Variants in GPR75 observed in about 807,000 individuals in gnomAD.
GPR75 encodes the protein probable G protein-coupled receptor 75.
GPR75 carries 27 observed loss-of-function variants against 26.0 expected under a neutral mutation model. That is an observed-to-expected ratio of 1.04 (90% confidence interval 0.77 to 1.43). The LOEUF (loss-of-function observed/expected upper bound fraction) is 1.43, where lower values mean the gene tolerates loss of function less well. GPR75 is among the 40% of genes most tolerant of loss of function. GPR75 has a pLI of 0.00. For missense variants in GPR75, 699 were observed against 662.3 expected, an observed-to-expected ratio of 1.06 and a Z score of -0.61; for synonymous variants, 285 against 256.3, an observed-to-expected ratio of 1.11 and a Z score of -1.07.
rs796287219 is a variant in GPR75 at position 53,859,486 on chromosome 2, G to C, written c.-110+342C>G. On this transcript the variant is annotated intron_variant, in intron 1 of 1. Coordinates refer to ENST00000394705, the MANE Select transcript of GPR75 (RefSeq NM_006794.4). Reference sequence around the variant, plus strand: ...GTCGACCCCCCCGTGAGGGGCTGGCGGTGGGTAGGGGCTTCCCGGAGAAGG... The same window carrying C: ...GTCGACCCCCCCGTGAGGGGCTGGCCGTGGGTAGGGGCTTCCCGGAGAAGG... 3.9e-5 allele frequency among the ~76,000 whole-genome samples: 6 copies of C among 152,230 alleles called. 1 individual carries two copies. The highest frequency in any genetic ancestry group is 1.4e-4 in the African/African-American group (6 of 41,548).
chr2:53,854,851 C>T lies in GPR75; in HGVS notation c.-95G>A. 1 of 917,554 alleles carries T rather than the reference C, an allele frequency of 1.1e-6. No homozygotes were observed. Among genetic ancestry groups the T allele is most frequent in the Non-Finnish European group, 1.7e-6 (1 of 592,990 alleles). 56.8% of individuals were successfully genotyped at this position (917,554 alleles called of 1,614,324 possible). On this transcript the variant is annotated 5_prime_UTR_variant, in exon 2 of 2. It introduces an in-frame stop codon into an upstream open reading frame of the 5' UTR. Coordinates refer to ENST00000394705, the MANE Select transcript of GPR75 (RefSeq NM_006794.4). ...ATGAGCAATATGTGACAAAAGAGGC[C>T]CAAGACAGATAAGCCTACACACAAA...
chr2:53,855,788 G>A (rs150283688), intron 1 of GPR75, among the ~76,000 whole-genome samples: 64 of 152,228 alleles, frequency 4.2e-4, no homozygotes, highest in Admixed American at 2.6e-4. Context: ...ACCCTGTTTC[G>A]TTCCCTATGA....
At chr2:53,857,076 G>A (rs1442307468) in intron 1 of GPR75, among the ~76,000 whole-genome samples, 4 of 142,368 alleles carry the variant, frequency 2.8e-5, no homozygotes, top group South Asian at 2.2e-4. Context: ...CCATTCTCCT[G>A]CCTCAGCCTC....
chr2:53,855,828 T>A (rs1003302892), intron 1 of GPR75, among the ~76,000 whole-genome samples: 1 of 152,220 alleles, frequency 6.6e-6, no homozygotes, highest in African/African-American at 2.4e-5. Flanking sequence ...TATTTATAAT[T>A]TTTCCCCCAG....
At position 53,854,059 on chromosome 2, in the gene GPR75, G is replaced by C; in HGVS notation, c.698C>G (p.Ala233Gly). The change falls in exon 2 of 2, where the codon GCT becomes GGT. Residue 233 changes from alanine (A) to glycine (G), a missense_variant. By Grantham distance (60) the Ala-to-Gly change is moderately conservative. Transcript: ENST00000394705. ...TACAGGGGGGCACTTTCTGACTTGA[G>C]CGTTCTTCCGCAGGGTCTGAGCAAT... ...IMIAQTLRKN[A>G]QVRKCPPVIT... The C allele has an allele frequency of 1.2e-6, 2 of 1,614,218 alleles. No homozygotes were observed. The highest frequency in any genetic ancestry group is 1.7e-6 in the Non-Finnish European group (2 of 1,180,040).
In GPR75 at chr2:53,853,014, C is replaced by A. The variant is rs1233075681; in HGVS notation, c.*120G>T. ...CACATCAGATGAAAGAAAACCATAA[C>A]TGCCAACTTTTCAGTTGAATCTTGT... On this transcript the variant is annotated 3_prime_UTR_variant, in exon 2 of 2. Transcript: ENST00000394705. 1.5e-6 allele frequency: 1 copy of A among 688,096 alleles called. No homozygotes were observed. The highest frequency in any genetic ancestry group is 2.4e-6 in the Non-Finnish European group (1 of 413,016). 42.6% of individuals were successfully genotyped at this position (688,096 alleles called of 1,614,324 possible).
intron 1 of GPR75, among the ~76,000 whole-genome samples, chr2:53,857,579 G>C (rs1019345447): frequency 2.0e-5 from 3 of 152,072 alleles, no homozygotes; most frequent in African/African-American, 7.2e-5. Flanking sequence ...AAGACCTCAG[G>C]CTAAGAGATA....
At position 53,853,852 on chromosome 2, in the gene GPR75, C is replaced by T. The variant is rs537227401; in HGVS notation, c.905G>A (p.Arg302Gln). ...PNQLVTPAASRLQLVSAINLS... is the reference protein window; with the variant it reads ...PNQLVTPAASQLQLVSAINLS... ...GTTGATGGCTGATACGAGCTGGAGT[C>T]GGCTTGCTGCAGGGGTGACCAGTTG... The change falls in exon 2 of 2, where the codon CGA becomes CAA. Residue 302 changes from arginine to glutamine, a missense_variant. Transcript: ENST00000394705. 8.7e-6 allele frequency: 14 copies of T among 1,613,930 alleles called. No individual in the cohort carries two copies. The highest frequency in any genetic ancestry group is 4.0e-5 in the African/African-American group (3 of 74,902).
In GPR75 at chr2:53,854,760, CG is replaced by C. The variant is rs1558629533; in HGVS notation, c.-5del. 1 of 1,606,980 alleles carries C rather than the reference CG, an allele frequency of 6.2e-7. No homozygotes were observed. The highest frequency in any genetic ancestry group is 1.7e-5 in the Admixed American group (1 of 59,394). ...GAAGGTGGCCTGTTGAGTTCATTTT[CG>C]GAGAGAAATGTCTCCTTCTTCTGCT... On this transcript the variant is annotated 5_prime_UTR_variant, in exon 2 of 2. Transcript: ENST00000394705.
chr2:53,857,940 A>T (rs1678275321), intron 1 of GPR75, among the ~76,000 whole-genome samples: 1 of 152,172 alleles, frequency 6.6e-6, no homozygotes, highest in African/African-American at 2.4e-5. Context: ...TATAATTATC[A>T]GCATCATTAT....
Position 53,853,213 on chromosome 2 carries a change from A to G in GPR75, c.1544T>C (p.Met515Thr). The change falls in exon 2 of 2, where the codon ATG becomes ACG. Residue 515 changes from methionine to threonine, a missense_variant. Coordinates refer to ENST00000394705, the MANE Select transcript of GPR75 (RefSeq NM_006794.4). The part of the protein sequence containing the change: ...SFGFANSYIA[M>T]HYHTTNDLVQ... ...TAAGTCATTAGTGGTGTGATAATGC[A>G]TGGCAATATATGAATTGGCAAATCC... 1 of 1,613,156 alleles carries G rather than the reference A, an allele frequency of 6.2e-7. No individual in the cohort carries two copies. Among genetic ancestry groups the G allele is most frequent in the East Asian group, 2.2e-5 (1 of 44,880 alleles).
chr2:53,853,664 T>C lies in GPR75; in HGVS notation c.1093A>G (p.Ile365Val). 3 of 1,613,992 alleles carry C rather than the reference T, an allele frequency of 1.9e-6. No individual in the cohort carries two copies. The highest frequency in any genetic ancestry group is 2.2e-5 in the South Asian group (2 of 91,076). Residue 365 changes from isoleucine to valine, a missense_variant, in exon 2 of 2, where the codon ATA becomes GTA. Transcript: ENST00000394705. ...GGGTTTAATCCTGACTTGAAAAATA[T>C]AAGAGTAAATCCAAACAATTCAAAC... ...YQFELFGFTLIFFKSGLNPFI... is the reference protein window; with the variant it reads ...YQFELFGFTLVFFKSGLNPFI...
chr2:53,858,562 C>T (rs1678294714), intron 1 of GPR75, among the ~76,000 whole-genome samples: 1 of 151,734 alleles, frequency 6.6e-6, no homozygotes. Context: ...AAGCAGAGGA[C>T]AGAAAAGACG....
chr2:53,857,779 T>A (rs1333838450), intron 1 of GPR75, among the ~76,000 whole-genome samples: 1 of 152,148 alleles, frequency 6.6e-6, no homozygotes, highest in Non-Finnish European at 1.5e-5. Flanking sequence ...AGTCTCACTA[T>A]GTTGCCCTCA....
chr2:53,855,217 A>C (rs1678196669), intron 1 of GPR75, among the ~76,000 whole-genome samples: 1 of 152,150 alleles, frequency 6.6e-6, no homozygotes, highest in Non-Finnish European at 1.5e-5. Context: ...CCAACACAGA[A>C]AAAGATACAA....
Position 53,853,366 on chromosome 2 carries a change from T to C in GPR75, c.1391A>G (p.His464Arg). 1 of 1,614,126 alleles carries C rather than the reference T, an allele frequency of 6.2e-7. No individual in the cohort carries two copies. Among genetic ancestry groups the C allele is most frequent in the Non-Finnish European group, 8.5e-7 (1 of 1,179,964 alleles). Residue 464 changes from histidine to arginine, a missense_variant, in exon 2 of 2, where the codon CAT becomes CGT. Physicochemically the swap from His to Arg is conservative, Grantham distance 29. Transcript: ENST00000394705. ...CGAGCTGCTCTGACCACAGTGTTGA[T>C]GTCCAGCAGAGATCTTGGGACTCAC... ...SMVSPKISAG[H>R]QHCGQSSSTP...
chr2:53,853,962 C>A lies in GPR75; in HGVS notation c.795G>T (p.Gln265His). Reference protein sequence around the residue: ...VPVQGGGDPIQCAMPALYRNQ... With the variant: ...VPVQGGGDPIHCAMPALYRNQ... ...TCCTATACAGAGCCGGCATGGCACA[C>A]TGGATGGGATCTCCACCTCCCTGCA... Residue 265 changes from glutamine to histidine, a missense_variant, in exon 2 of 2, where the codon CAG becomes CAT. Gln to His is a conservative substitution (Grantham distance 24). Transcript: ENST00000394705. 6.2e-7 allele frequency: 1 copy of A among 1,614,126 alleles called. No individual in the cohort carries two copies. Among genetic ancestry groups the A allele is most frequent in the Non-Finnish European group, 8.5e-7 (1 of 1,180,024 alleles).
chr2:53,853,927 T>C lies in GPR75; in HGVS notation c.830A>G (p.Tyr277Cys). ...GGTCTGAACGTGCTGCAGTTTGTTG[T>C]AATTCTGGTTCCTATACAGAGCCGG... ...AMPALYRNQNYNKLQHVQTRG... is the reference protein window; with the variant it reads ...AMPALYRNQNCNKLQHVQTRG... Residue 277 changes from tyrosine to cysteine, a missense_variant, in exon 2 of 2, where the codon TAC becomes TGC. Transcript: ENST00000394705. The C allele has an allele frequency of 6.2e-7, 1 of 1,614,030 alleles. No individual in the cohort carries two copies. The highest frequency in any genetic ancestry group is 2.2e-5 in the East Asian group (1 of 44,872).
At chr2:53,857,419 T>G (rs1424410682) in intron 1 of GPR75, among the ~76,000 whole-genome samples, 1 of 152,114 alleles carries the variant, frequency 6.6e-6, no homozygotes, top group Admixed American at 6.6e-5. Context: ...TCCAAGGGTT[T>G]CCTCTTTGGA....
Sources: allele counts gnomAD v4.1 joint callset (sites outside exome capture counted in the v4.1 genomes callset), GRCh38; gene constraint gnomAD v4.1.1; transcripts MANE v1.5; gene names NCBI Gene and HGNC (gene_info 2026-07-23, HGNC 2026-07-21).